ERRFI1: variants seen among roughly 807,000 people sequenced by gnomAD.
ERRFI1 encodes mitogen-inducible gene 6 protein.
ERRFI1 carries 12 observed loss-of-function variants against 14.6 expected under a neutral mutation model. The observed-to-expected ratio is 0.82, with a 90% confidence interval of 0.53 to 1.33. The LOEUF is 1.33. Among genes scored for constraint, ERRFI1 ranks in the 40% most tolerant of loss-of-function variants. ERRFI1 has a pLI of 0.00. For synonymous variants in ERRFI1, 202 were observed against 209.9 expected, an observed-to-expected ratio of 0.96 and a Z score of 0.32; for missense variants, 482 against 572.1, an observed-to-expected ratio of 0.84 and a Z score of 1.61.
chr1:8,021,653 T>C (rs1364955611), intron 1 of ERRFI1, among the ~76,000 whole-genome samples: 1 of 152,196 alleles, frequency 6.6e-6, no homozygotes, highest in Non-Finnish European at 1.5e-5. Flanking sequence ...TATAAAACCA[T>C]TAATGATAAC....
At chr1:8,020,329 T>C (rs572000647) in intron 1 of ERRFI1, among the ~76,000 whole-genome samples, 1 of 152,246 alleles carries the variant, frequency 6.6e-6, no homozygotes, top group Admixed American at 6.5e-5. Context: ...TTCAGTTCCA[T>C]TTAAGAATCA....
chr1:8,013,597 A>G lies in ERRFI1; in HGVS notation c.1002T>C (p.Ser334=), dbSNP rs143580969. 1.8e-4 allele frequency: 285 copies of G among 1,612,650 alleles called. No individual in the cohort carries two copies. The Admixed American group carries it at 2.3e-3, about 13-fold the overall frequency. ...PLSPSNSRTP[S]PKSLPSYLNG... ...TGAGGTAAGACGGAAGGCTTTTGGG[A>G]CTCGGTGTGCGCGAGTTACTCGGTG... Residue 334 remains serine, a synonymous_variant, in exon 4 of 4, where the codon AGT becomes AGC. Transcript: ENST00000377482. This position sits in a 1 kb window ranked among gnomAD's most constrained non-coding sequence, Gnocchi z 4.3.
At chr1:8,017,072 G>T (rs1043905922) in intron 1 of ERRFI1, among the ~76,000 whole-genome samples, 4 of 151,950 alleles carry the variant, frequency 2.6e-5, no homozygotes, top group Admixed American at 2.6e-4. Flanking sequence ...CTGAATGAAT[G>T]ATTGTATAAT....
rs1410857976 is a variant in ERRFI1 at position 8,019,951 on chromosome 1, TTGC to T, written c.-73-4262_-73-4260del. Among the ~76,000 whole-genome samples the T allele has an allele frequency of 2.0e-5, 3 of 152,194 alleles. No homozygotes were observed. In the South Asian group the frequency reaches 6.2e-4, roughly 31 times the overall value. ...ACACTATTCCTTCTAGACTGTGTTT[TTGC>T]TGCTGAATTTAAGGTGACTTTCATT... is the stretch of plus-strand genomic sequence containing the variant. On this transcript the variant is annotated intron_variant, in intron 1 of 3. Coordinates refer to ENST00000377482, the MANE Select transcript of ERRFI1 (RefSeq NM_018948.4).
chr1:8,021,422 C>G (rs1377220527), intron 1 of ERRFI1, among the ~76,000 whole-genome samples: 1 of 152,132 alleles, frequency 6.6e-6, no homozygotes, highest in African/African-American at 2.4e-5. Context: ...ATTTCTCCTA[C>G]AGAGTAGCAC....
chr1:8,014,346 C>T lies in ERRFI1; in HGVS notation c.253G>A (p.Gly85Ser). 6.2e-7 allele frequency: 1 copy of T among 1,608,186 alleles called. No homozygotes were observed. The highest frequency in any genetic ancestry group is 8.5e-7 in the Non-Finnish European group (1 of 1,176,762). ...GGCAAGCTGGACTTTTGAGATGGACCATTTTCTGCAAAGCAGTGGCCATTC... is the reference window on the plus strand; with the variant it reads ...GGCAAGCTGGACTTTTGAGATGGACTATTTTCTGCAAAGCAGTGGCCATTC... ...PMNGHCFAEN[G>S]PSQKSSLPPL... is the part of the protein sequence containing the mutation. Residue 85 changes from glycine (G) to serine (S), a missense_variant, in exon 4 of 4, where the codon GGT (glycine) becomes AGT (serine). Coordinates refer to ENST00000377482, the MANE Select transcript of ERRFI1 (RefSeq NM_018948.4).
intron 1 of ERRFI1, among the ~76,000 whole-genome samples, chr1:8,020,700 T>G (rs920219958): frequency 5.3e-5 from 8 of 152,012 alleles, no homozygotes; most frequent in Non-Finnish European, 1.0e-4. Flanking sequence ...ATGCACCAAC[T>G]CGCCAGGCTA....
At position 8,013,990 on chromosome 1, in the gene ERRFI1, C is replaced by A. The variant is rs146882470; in HGVS notation, c.609G>T (p.Gly203=). The stretch of plus-strand genomic sequence containing the variant: ...AATATGCATAGTTGATTTGTCCACA[C>A]CCACGGAAGCTTCGCCTGCCAGGAA... ...YDVPGRRSFR[G]CGQINYAYFD... The change falls in exon 4 of 4, where the codon GGG becomes GGT. Residue 203 remains glycine (G), a synonymous_variant. Transcript: ENST00000377482. This position sits in a 1 kb window ranked among gnomAD's most constrained non-coding sequence, Gnocchi z 4.3. 6.2e-7 allele frequency: 1 copy of A among 1,614,140 alleles called. No homozygotes were observed. Among genetic ancestry groups the A allele is most frequent in the Non-Finnish European group, 8.5e-7 (1 of 1,180,028 alleles).
chr1:8,015,590 C>A lies in ERRFI1; in HGVS notation c.30G>T (p.Glu10Asp). 1 of 1,614,116 alleles carries A rather than the reference C, an allele frequency of 6.2e-7. No homozygotes were observed. Among genetic ancestry groups the A allele is most frequent in the Non-Finnish European group, 8.5e-7 (1 of 1,179,986 alleles). The change falls in exon 2 of 4, where the codon GAG becomes GAT. Residue 10 changes from glutamate (E) to aspartate (D), a missense_variant. Transcript: ENST00000377482. ...ATCCAGTTTTTAATGGGACTCTGAT[C>A]TCCTGAGCAGCAACTCCTGCTATTG... MSIAGVAAQ[E>D]IRVPLKTGFL... is the part of the protein sequence containing the mutation.
chr1:8,022,802 G>T (rs1467150393), intron 1 of ERRFI1, among the ~76,000 whole-genome samples: 1 of 152,202 alleles, frequency 6.6e-6, no homozygotes, highest in Non-Finnish European at 1.5e-5. Flanking sequence ...AGAGGGCAAG[G>T]ATTAATTCTT....
At chr1:8,018,862 G>A (rs1167968565) in intron 1 of ERRFI1, among the ~76,000 whole-genome samples, 1 of 152,126 alleles carries the variant, frequency 6.6e-6, no homozygotes, top group Non-Finnish European at 1.5e-5. Flanking sequence ...CTGAATCAAT[G>A]ACTCCAGCCT....
chr1:8,017,848 A>T (rs1470107757), intron 1 of ERRFI1, among the ~76,000 whole-genome samples: 1 of 152,238 alleles, frequency 6.6e-6, no homozygotes, highest in Non-Finnish European at 1.5e-5. Context: ...AGCTTTCAAC[A>T]GAATGATTGT....
intron 1 of ERRFI1, among the ~76,000 whole-genome samples, chr1:8,022,085 T>C (rs1641281383): frequency 6.6e-6 from 1 of 152,194 alleles, no homozygotes; most frequent in South Asian, 2.1e-4. Context: ...TATTAAAAGT[T>C]ATTAATTGTA....
Position 8,013,231 on chromosome 1 carries a change from T to A in ERRFI1, c.1368A>T (p.Leu456Phe). ...DLGGHVKRKH[L>F]SYVVSP ...AGGTCTAAGGAGAAACCACATAGGA[T>A]AAATGTTTACGCTTCACGTGGCCAC... The change falls in exon 4 of 4, where the codon TTA becomes TTT. Residue 456 changes from leucine to phenylalanine, a missense_variant. Physicochemically the swap from Leu to Phe is conservative, Grantham distance 22 (BLOSUM62 0). Coordinates refer to ENST00000377482, the MANE Select transcript of ERRFI1 (RefSeq NM_018948.4). The surrounding 1 kb of genome is among the most constrained non-coding windows in gnomAD (Gnocchi z 4.3). The A allele has an allele frequency of 6.2e-7, 1 of 1,612,994 alleles. No homozygotes were observed. The highest frequency in any genetic ancestry group is 8.5e-7 in the Non-Finnish European group (1 of 1,179,640).
At chr1:8,021,108 G>T (rs1478030394) in intron 1 of ERRFI1, among the ~76,000 whole-genome samples, 4 of 152,134 alleles carry the variant, frequency 2.6e-5, no homozygotes, top group Non-Finnish European at 4.4e-5. Flanking sequence ...GTCTGTGTTT[G>T]CAGCTCCATT....
rs2124057176 is a variant in ERRFI1, at chr1:8,013,648, G to A, written c.951C>T (p.Pro317=). The A allele has an allele frequency of 6.2e-7, 1 of 1,614,138 alleles. No homozygotes were observed. Among genetic ancestry groups the A allele is most frequent in the Non-Finnish European group, 8.5e-7 (1 of 1,180,032 alleles). ...SSTYSDEDRP[P]KVPPREPLSP... ...ACAAAGGTTCTCTTGGCGGTACTTT[G>A]GGAGGCCTGTCTTCATCACTATAGG... Residue 317 remains proline, a synonymous_variant, in exon 4 of 4, where the codon CCC becomes CCT. Coordinates refer to ENST00000377482, the MANE Select transcript of ERRFI1 (RefSeq NM_018948.4). This position sits in a 1 kb window ranked among gnomAD's most constrained non-coding sequence, Gnocchi z 4.3.
At chr1:8,017,792 T>G (rs1441696885) in intron 1 of ERRFI1, among the ~76,000 whole-genome samples, 2 of 152,336 alleles carry the variant, frequency 1.3e-5, no homozygotes, top group African/African-American at 4.8e-5. Flanking sequence ...CAACAAGTAC[T>G]ACTAGTAATT....
chr1:8,020,408 A>C (rs1248464477), intron 1 of ERRFI1, among the ~76,000 whole-genome samples: 1 of 152,202 alleles, frequency 6.6e-6, no homozygotes, highest in Non-Finnish European at 1.5e-5. Flanking sequence ...AAATTTATAA[A>C]AGGAAACTGA....
rs892674325 is a variant in ERRFI1, at chr1:8,013,012, C to CT, written c.*197dup. On this transcript the variant is annotated 3_prime_UTR_variant, in exon 4 of 4. Transcript: ENST00000377482. The surrounding 1 kb of genome is among the most constrained non-coding windows in gnomAD (Gnocchi z 4.3). ...ATCTTTAAATTATAGACTTGTAAGA[C>CT]TTTTTTCCAACACTAACAAAGTCAG... The CT allele has an allele frequency of 8.3e-5, 47 of 566,506 alleles. No individual in the cohort carries two copies. Among genetic ancestry groups the CT allele is most frequent in the Non-Finnish European group, 1.3e-4 (44 of 329,692 alleles). 35.1% of individuals were successfully genotyped at this position (566,506 alleles called of 1,614,324 possible). A position where few individuals can be genotyped will look rare whatever the true frequency, so the allele number is the denominator to read the frequency against.
Sources: gnomAD v4.1 joint callset for allele counts (sites outside exome capture counted in the v4.1 genomes callset) on GRCh38, gnomAD v4.1.1 for gene constraint, Gnocchi (gnomAD v3.1) non-coding constraint, MANE v1.5 for transcripts, NCBI Gene and HGNC (gene_info 2026-07-23, HGNC 2026-07-21) for gene names.